SAMD5: variants seen among roughly 807,000 people sequenced by gnomAD.
SAMD5 encodes the protein sterile alpha motif domain containing 5, also known as sterile alpha motif domain-containing protein 5.
SAMD5 carries 13 observed loss-of-function variants against 11.3 expected under a neutral mutation model. That is an observed-to-expected ratio of 1.15 (90% CI 0.75 to 1.83). The LOEUF (loss-of-function observed/expected upper bound fraction) is 1.83, where lower values mean the gene tolerates loss of function less well. Among genes scored for constraint, SAMD5 ranks in the 40% most tolerant of loss-of-function variants. The pLI is 0.00. For synonymous variants in SAMD5, 129 were observed against 111.3 expected, an observed-to-expected ratio of 1.16 and a Z score of -1.00; for missense variants, 255 against 239.1, an observed-to-expected ratio of 1.07 and a Z score of -0.44.
At chr6:147,704,366 A>G (rs1791297113) in intron 1 of SAMD5, among the ~76,000 whole-genome samples, 1 of 152,162 alleles carries the variant, frequency 6.6e-6, no homozygotes, top group Non-Finnish European at 1.5e-5. Context: ...TTCTCATTGT[A>G]TTAGGCACAA....
At chr6:147,898,332 G>C in the SAMD5 span, among the ~76,000 whole-genome samples, 3 of 152,172 alleles carry the variant, frequency 2.0e-5, no homozygotes, top group Non-Finnish European at 4.4e-5. Context: ...AGCTACCAGT[G>C]AATCACAAAA....
At chr6:147,791,355 G>T in the SAMD5 span, among the ~76,000 whole-genome samples, 1 of 152,078 alleles carries the variant, frequency 6.6e-6, no homozygotes, top group Non-Finnish European at 1.5e-5. Context: ...TTAGGTGACT[G>T]TCTATGCATC....
chr6:147,942,529 G>A, the SAMD5 span, among the ~76,000 whole-genome samples: 1 of 152,226 alleles, frequency 6.6e-6, no homozygotes, highest in Admixed American at 6.5e-5. Context: ...TCTTCGCTGT[G>A]TGGGGAAGCC....
At chr6:147,765,505 A>G in the SAMD5 span, among the ~76,000 whole-genome samples, 1 of 152,246 alleles carries the variant, frequency 6.6e-6, no homozygotes, top group East Asian at 1.9e-4. Context: ...CCACAAGGAC[A>G]AAGAGAGCCA....
At chr6:147,861,226 G>A in the SAMD5 span, among the ~76,000 whole-genome samples, 3 of 151,430 alleles carry the variant, frequency 2.0e-5, no homozygotes, top group Non-Finnish European at 4.4e-5. Context: ...GTGCAATGGC[G>A]CGATCTTGGT....
At chr6:147,729,153 T>C (rs996445909) in intron 1 of SAMD5, among the ~76,000 whole-genome samples, 1 of 152,220 alleles carries the variant, frequency 6.6e-6, no homozygotes, top group Non-Finnish European at 1.5e-5. Context: ...CAAACATTCC[T>C]TGTGTCTTTT....
intron 1 of SAMD5, among the ~76,000 whole-genome samples, chr6:147,549,436 C>T (rs1332326543): frequency 6.6e-6 from 1 of 152,160 alleles, no homozygotes; most frequent in Non-Finnish European, 1.5e-5. Flanking sequence ...TATTAACATC[C>T]ATGAGACAAA....
chr6:147,839,888 CAT>C, the SAMD5 span, among the ~76,000 whole-genome samples: 3 of 152,164 alleles, frequency 2.0e-5, 1 homozygote, highest in Admixed American at 6.5e-5. Flanking sequence ...ACACAATAAT[CAT>C]GTGAGGGAGG....
the SAMD5 span, among the ~76,000 whole-genome samples, chr6:147,909,434 T>C: frequency 6.6e-6 from 1 of 152,158 alleles, no homozygotes; most frequent in Admixed American, 6.5e-5. Context: ...GTGGGGTACA[T>C]AAACTGCTAA....
the SAMD5 span, among the ~76,000 whole-genome samples, chr6:147,787,954 T>C: frequency 6.6e-6 from 1 of 152,192 alleles, no homozygotes; most frequent in African/African-American, 2.4e-5. Flanking sequence ...GGAGAACATA[T>C]TTGGCTTACA....
chr6:147,568,972 A>C lies in SAMD5; in HGVS notation c.*4516A>C. On this transcript the variant is annotated 3_prime_UTR_variant, in exon 2 of 2. Transcript: ENST00000367474. ...CTGGGCACGGTGGCTCACGCCTGTA[A>C]TCCCAGCACTTTGGGAGGCCGGGGT... The C allele has an allele frequency of 1.2e-6, 1 of 804,336 alleles. No homozygotes were observed. Among genetic ancestry groups the C allele is most frequent in the Non-Finnish European group, 1.5e-6 (1 of 664,720 alleles). 49.8% of individuals were successfully genotyped at this position (804,336 alleles called of 1,614,324 possible). A position where few individuals can be genotyped will look rare whatever the true frequency, so the allele number is the denominator to read the frequency against.
intron 1 of SAMD5, among the ~76,000 whole-genome samples, chr6:147,681,861 C>G (rs1472463846): frequency 6.6e-6 from 1 of 152,206 alleles, no homozygotes; most frequent in Non-Finnish European, 1.5e-5. Context: ...GTGTTACACT[C>G]TGGCTGGTGG....
the SAMD5 span, among the ~76,000 whole-genome samples, chr6:147,859,562 A>G: frequency 6.6e-6 from 1 of 152,226 alleles, no homozygotes; most frequent in Non-Finnish European, 1.5e-5. Context: ...GCTAAAAGAT[A>G]AAACAATTAT....
chr6:147,670,231 G>A (rs1790777223), intron 1 of SAMD5, among the ~76,000 whole-genome samples: 1 of 152,226 alleles, frequency 6.6e-6, no homozygotes, highest in Non-Finnish European at 1.5e-5. Context: ...AATAAGCCAT[G>A]TTGTAAAGAG....
the SAMD5 span, among the ~76,000 whole-genome samples, chr6:147,917,908 T>C: frequency 6.6e-6 from 1 of 152,198 alleles, no homozygotes; most frequent in Non-Finnish European, 1.5e-5. Context: ...TTCTGTTCCA[T>C]TGGTCTATCG....
chr6:147,625,174 C>A (rs78541401), intron 1 of SAMD5, among the ~76,000 whole-genome samples: 4,299 of 152,192 alleles, frequency 0.028, 184 homozygotes, highest in African/African-American at 0.098. Flanking sequence ...ATATCCCAGG[C>A]CTGAGAAGGG....
chr6:147,725,563 A>C (rs1222092827), intron 1 of SAMD5, among the ~76,000 whole-genome samples: 2 of 151,958 alleles, frequency 1.3e-5, no homozygotes. Context: ...TAATTTTTGT[A>C]TTTTTAGTAG....
chr6:147,526,406 C>G (rs1315382485), intron 1 of SAMD5, among the ~76,000 whole-genome samples: 3 of 152,162 alleles, frequency 2.0e-5, no homozygotes, highest in Non-Finnish European at 4.4e-5. Flanking sequence ...GAAAGATAAA[C>G]ACACACACAT....
intron 1 of SAMD5, among the ~76,000 whole-genome samples, chr6:147,511,226 A>G (rs540384): frequency 0.35 from 52,639 of 152,120 alleles, 10,290 homozygotes; most frequent in African/African-American, 0.54. Flanking sequence ...GAAGTGACAC[A>G]TTTTAGTTCT....
Sources: allele counts gnomAD v4.1 joint callset (sites outside exome capture counted in the v4.1 genomes callset), GRCh38; gene constraint gnomAD v4.1.1; transcripts MANE v1.5; gene names NCBI Gene and HGNC (gene_info 2026-07-23, HGNC 2026-07-21).